The following ARL15 variants were observed in gnomAD, a reference collection of about 807,000 sequenced individuals.
ARL15 encodes ARF like GTPase 15, also known as ADP-ribosylation factor-like protein 15.
Under a neutral mutation model 25.2 loss-of-function variants are expected in ARL15, and 19 were observed. The ratio of observed to expected loss-of-function variants is 0.75; its 90% CI spans 0.53 to 1.10. The LOEUF (loss-of-function observed/expected upper bound fraction) is 1.10. ARL15 is among the 50% of genes least tolerant of loss of function. ARL15 has a pLI of 0.00. For missense variants in ARL15, 220 were observed against 246.0 expected (o/e 0.89, Z 0.71); for synonymous variants, 94 against 86.8 (o/e 1.08, Z -0.46).
At chr5:54,020,304 A>T (rs1749555160) in intron 4 of ARL15, among the ~76,000 whole-genome samples, 1 of 152,092 alleles carries the variant, frequency 6.6e-6, no homozygotes, top group Non-Finnish European at 1.5e-5. Context: ...ACCTTGCAGT[A>T]CCAAGGCCAC....
intron 2 of ARL15, among the ~76,000 whole-genome samples, chr5:54,155,766 G>A (rs965916809): frequency 9.2e-5 from 14 of 151,886 alleles, no homozygotes; most frequent in African/African-American, 3.4e-4. Context: ...AGAAACCAGA[G>A]CTAATGACTC....
intron 4 of ARL15, among the ~76,000 whole-genome samples, chr5:53,916,200 AACGT>A (rs775770021): frequency 1.2e-4 from 19 of 152,046 alleles, no homozygotes; most frequent in East Asian, 9.7e-4. Context: ...TGAAATTCTA[AACGT>A]ACTCACAAAA....
In ARL15 at chr5:53,885,051, CA is replaced by C. The variant is rs1448075934; in HGVS notation, c.*1509del. Reference sequence around the variant, plus strand: ...ACAATCTACTCATAAGATTAAACCACAAAAACTACATTTAAATGGCATTAAG... The same window carrying C: ...ACAATCTACTCATAAGATTAAACCACAAAACTACATTTAAATGGCATTAAG... On this transcript the variant is annotated 3_prime_UTR_variant, in exon 5 of 5. Transcript: ENST00000504924. The C allele has an allele frequency of 6.6e-6, 1 of 152,292 alleles. No individual in the cohort carries two copies. The highest frequency in any genetic ancestry group is 1.5e-5 in the Non-Finnish European group (1 of 67,984). The allele number at this position is 152,292 out of a possible 1,614,324, so 9.4% of individuals were successfully genotyped here.
intron 4 of ARL15, among the ~76,000 whole-genome samples, chr5:54,098,988 G>T (rs892483600): frequency 1.3e-5 from 2 of 152,060 alleles, no homozygotes; most frequent in Non-Finnish European, 1.5e-5. Flanking sequence ...AAAATAATCC[G>T]AGTAACCTCT....
At chr5:54,300,189 T>C (rs2112710480) in intron 1 of ARL15, among the ~76,000 whole-genome samples, 1 of 152,186 alleles carries the variant, frequency 6.6e-6, no homozygotes, top group East Asian at 1.9e-4. Context: ...ACTGCCTTGA[T>C]GAAAAGAACA....
intron 1 of ARL15, among the ~76,000 whole-genome samples, chr5:54,259,228 A>T (rs1352213463): frequency 6.6e-6 from 1 of 152,172 alleles, no homozygotes; most frequent in Non-Finnish European, 1.5e-5. Flanking sequence ...CTCACCCCAC[A>T]TACACACACA....
chr5:54,268,259 C>T (rs1372578336), intron 1 of ARL15, among the ~76,000 whole-genome samples: 5 of 152,074 alleles, frequency 3.3e-5, no homozygotes, highest in Admixed American at 6.6e-5. Flanking sequence ...TTGATCGCAT[C>T]GGCTCCTGAG....
At chr5:54,300,428 T>C (rs1435212404) in intron 1 of ARL15, among the ~76,000 whole-genome samples, 1 of 152,198 alleles carries the variant, frequency 6.6e-6, no homozygotes, top group Non-Finnish European at 1.5e-5. Flanking sequence ...GCCAGGCATG[T>C]GTATGAAGCC....
At chr5:54,281,561 C>A (rs1758064087) in intron 1 of ARL15, among the ~76,000 whole-genome samples, 1 of 152,178 alleles carries the variant, frequency 6.6e-6, no homozygotes, top group Non-Finnish European at 1.5e-5. Context: ...CTGGCCTCAA[C>A]CCATAAGATG....
At chr5:54,151,260 T>G (rs532916338) in intron 3 of ARL15, among the ~76,000 whole-genome samples, 3 of 152,304 alleles carry the variant, frequency 2.0e-5, no homozygotes, top group South Asian at 4.1e-4. Context: ...AAGGCATTCT[T>G]AAAATAGCAA....
At chr5:54,138,657 A>AAAAT (rs1753676255) in intron 3 of ARL15, among the ~76,000 whole-genome samples, 1 of 152,142 alleles carries the variant, frequency 6.6e-6, no homozygotes, top group African/African-American at 2.4e-5. Context: ...AACAAAAACA[A>AAAAT]AAATAAATAA....
At chr5:54,151,851 G>C (rs1754078616) in intron 3 of ARL15, among the ~76,000 whole-genome samples, 1 of 152,100 alleles carries the variant, frequency 6.6e-6, no homozygotes, top group African/African-American at 2.4e-5. Context: ...GAAGAAGTGA[G>C]AATTTTAACT....
intron 4 of ARL15, among the ~76,000 whole-genome samples, chr5:54,016,405 G>C (rs1749430603): frequency 6.6e-6 from 1 of 152,072 alleles, no homozygotes; most frequent in African/African-American, 2.4e-5. Flanking sequence ...CAGTTTCATG[G>C]GTGTGTCACC....
intron 1 of ARL15, among the ~76,000 whole-genome samples, chr5:54,245,482 C>T (rs185501474): frequency 7.2e-5 from 11 of 152,282 alleles, no homozygotes; most frequent in Admixed American, 7.2e-4. Flanking sequence ...GTGATCTGGA[C>T]TCAGGTACCA....
chr5:53,965,630 T>C (rs1387306155), intron 4 of ARL15, among the ~76,000 whole-genome samples: 1 of 152,022 alleles, frequency 6.6e-6, no homozygotes. Flanking sequence ...TTTTCTTTTT[T>C]TTTTTTTCTG....
At chr5:54,288,222 T>G (rs909389199) in intron 1 of ARL15, among the ~76,000 whole-genome samples, 6 of 152,202 alleles carry the variant, frequency 3.9e-5, no homozygotes, top group South Asian at 2.1e-4. Flanking sequence ...AAAAACTATA[T>G]TCCTCAGTTT....
chr5:54,294,138 G>A (rs1393035006), intron 1 of ARL15, among the ~76,000 whole-genome samples: 1 of 152,196 alleles, frequency 6.6e-6, no homozygotes, highest in Non-Finnish European at 1.5e-5. Flanking sequence ...CAATGCCAAC[G>A]AAAAGTATCA....
At chr5:54,229,999 G>A (rs1307969457) in intron 1 of ARL15, among the ~76,000 whole-genome samples, 1 of 152,134 alleles carries the variant, frequency 6.6e-6, no homozygotes, top group Non-Finnish European at 1.5e-5. Flanking sequence ...TGGTGACTAG[G>A]AACATGGCTT....
At chr5:54,168,616 C>T (rs144731891) in intron 2 of ARL15, among the ~76,000 whole-genome samples, 1 of 151,970 alleles carries the variant, frequency 6.6e-6, no homozygotes, top group African/African-American at 2.4e-5. Flanking sequence ...CCCAACATCC[C>T]CTAAATCTCT....
Sources: gnomAD v4.1 joint callset for allele counts (sites outside exome capture counted in the v4.1 genomes callset) on GRCh38, gnomAD v4.1.1 for gene constraint, MANE v1.5 for transcripts, NCBI Gene and HGNC (gene_info 2026-07-23, HGNC 2026-07-21) for gene names.